The following SPATS2L variants were observed in gnomAD, a reference collection of about 807,000 sequenced individuals.
SPATS2L encodes SPATS2-like protein.
In SPATS2L, 30 loss-of-function variants were observed where a neutral mutation model predicts 59.6. The observed-to-expected ratio is 0.50, with a 90% CI of 0.38 to 0.68. The LOEUF (loss-of-function observed/expected upper bound fraction) is 0.68. Among genes scored for constraint, SPATS2L ranks in the 30% least tolerant of loss-of-function variants. SPATS2L has a pLI of 0.00. For synonymous variants in SPATS2L, 252 were observed against 263.5 expected (o/e 0.96, Z 0.42); for missense variants, 615 against 700.0 (o/e 0.88, Z 1.37).
At chr2:200,440,146 C>T (rs565410293) in intron 7 of SPATS2L, among the ~76,000 whole-genome samples, 59 of 152,346 alleles carry the variant, frequency 3.9e-4, no homozygotes, top group African/African-American at 1.4e-3. Flanking sequence ...GCTTTCAATG[C>T]TGCTGCTCTA....
intron 1 of SPATS2L, among the ~76,000 whole-genome samples, chr2:200,326,021 A>G (rs770262359): frequency 2.0e-4 from 30 of 152,296 alleles, no homozygotes; most frequent in Non-Finnish European, 4.3e-4. Flanking sequence ...TATTGTTTAT[A>G]TTTTCCAGAT....
chr2:200,385,893 C>T (rs1430046891), intron 2 of SPATS2L, among the ~76,000 whole-genome samples: 1 of 152,144 alleles, frequency 6.6e-6, no homozygotes, highest in African/African-American at 2.4e-5. Flanking sequence ...CAGGGTTTCA[C>T]TGTGTTAGCC....
At chr2:200,306,556 G>T, upstream of SPATS2L, 1 of 1,002,268 alleles carries the variant, frequency 1.0e-6, no homozygotes, top group Non-Finnish European at 1.2e-6. Context: ...GCAGCGCTGT[G>T]TTTGCGAGCG....
intron 2 of SPATS2L, among the ~76,000 whole-genome samples, chr2:200,384,519 A>C (rs770387911): frequency 5.9e-5 from 9 of 152,110 alleles, no homozygotes; most frequent in Non-Finnish European, 1.2e-4. Flanking sequence ...ATGCCGGCTA[A>C]TTTTCTGTAT....
At chr2:200,377,616 G>A (rs1317640637) in intron 2 of SPATS2L, among the ~76,000 whole-genome samples, 2 of 152,130 alleles carry the variant, frequency 1.3e-5, no homozygotes, top group African/African-American at 4.8e-5. Context: ...TCTCCACTCT[G>A]CCCCAAATGT....
chr2:200,306,317 A>G, upstream of SPATS2L: 2 of 1,002,322 alleles, frequency 2.0e-6, no homozygotes, highest in Middle Eastern at 2.8e-4. Context: ...TTCTCTTGCA[A>G]CACGTGCGGA....
chr2:200,387,165 C>T (rs776151728), intron 2 of SPATS2L, among the ~76,000 whole-genome samples: 5 of 152,152 alleles, frequency 3.3e-5, no homozygotes, highest in African/African-American at 7.2e-5. Flanking sequence ...AAATAAAATT[C>T]GAGTGTTATT....
intron 2 of SPATS2L, among the ~76,000 whole-genome samples, chr2:200,335,938 CAG>C (rs1315180015): frequency 6.6e-6 from 1 of 152,196 alleles, no homozygotes; most frequent in African/African-American, 2.4e-5. Context: ...GTGCCCAGCT[CAG>C]GGGCTTCCTA....
chr2:200,398,100 C>T (rs1187868103), intron 3 of SPATS2L, among the ~76,000 whole-genome samples: 1 of 152,114 alleles, frequency 6.6e-6, no homozygotes, highest in Non-Finnish European at 1.5e-5. Context: ...GGGGAATGTT[C>T]AGAAATGAGC....
At chr2:200,417,384 G>A (rs1038538253) in intron 5 of SPATS2L, among the ~76,000 whole-genome samples, 1 of 151,756 alleles carries the variant, frequency 6.6e-6, no homozygotes, top group African/African-American at 2.4e-5. Context: ...CACCATCTTT[G>A]ACAATCTCTG....
intron 2 of SPATS2L, among the ~76,000 whole-genome samples, chr2:200,359,658 G>A (rs1029063647): frequency 2.6e-5 from 4 of 152,208 alleles, no homozygotes; most frequent in African/African-American, 9.6e-5. Context: ...TCCCAGAGAA[G>A]TCTTATTTGG....
intron 2 of SPATS2L, among the ~76,000 whole-genome samples, chr2:200,372,882 G>C (rs1025493854): frequency 3.3e-5 from 5 of 151,902 alleles, no homozygotes; most frequent in Admixed American, 1.3e-4. Context: ...CCAGTGTGGT[G>C]CCTAAAGAGG....
intron 2 of SPATS2L, among the ~76,000 whole-genome samples, chr2:200,353,440 C>G (rs1197193873): frequency 6.6e-6 from 1 of 152,110 alleles, no homozygotes; most frequent in Non-Finnish European, 1.5e-5. Context: ...TTCCTCACTG[C>G]CTGTTATGAA....
intron 12 of SPATS2L, 68 bp downstream of exon 12, chr2:200,473,120 C>A: frequency 1.4e-6 from 2 of 1,428,646 alleles, no homozygotes; most frequent in Non-Finnish European, 1.9e-6. Flanking sequence ...AGGAAGAAAA[C>A]AGCAACTACT....
chr2:200,332,254 T>G (rs2079969732), intron 2 of SPATS2L, among the ~76,000 whole-genome samples: 1 of 152,014 alleles, frequency 6.6e-6, no homozygotes. Flanking sequence ...CAAGCTTTTT[T>G]TTTTTAGAGA....
intron 2 of SPATS2L, among the ~76,000 whole-genome samples, chr2:200,365,393 A>G (rs1559070853): frequency 2.0e-5 from 3 of 152,166 alleles, no homozygotes; most frequent in Admixed American, 1.3e-4. Context: ...TGGGACAGCA[A>G]TATGACCACT....
chr2:200,440,523 T>G, intron 7 of SPATS2L, 126 bp from the exon 8 acceptor site: 1 of 909,126 alleles, frequency 1.1e-6, no homozygotes, highest in Non-Finnish European at 1.6e-6. Flanking sequence ...ATTCTCCTGA[T>G]GGAACTTTTA....
Position 200,472,994 on chromosome 2 carries a change from T to G in SPATS2L, c.1223T>G (p.Val408Gly). The change falls in exon 12 of 13, where the codon GTG becomes GGG. Residue 408 changes from valine to glycine, a missense_variant. Val to Gly is a moderately radical substitution (Grantham distance 109). This residue lies in a region of SPATS2L where 284 missense variants were observed against 280.1 expected (regional missense o/e 1.01). Transcript: ENST00000409140. ...SEGKAANPKM[V>G]SSLPSTADPS... ...GGCAAAGCGGCAAACCCCAAAATGG[T>G]GAGCAGTCTCCCCAGCACCGCCGAC... 1 of 1,612,346 alleles carries G rather than the reference T, an allele frequency of 6.2e-7. No individual in the cohort carries two copies. Among genetic ancestry groups the G allele is most frequent in the Non-Finnish European group, 8.5e-7 (1 of 1,179,636 alleles).
In SPATS2L at chr2:200,454,751, G is replaced by A. The variant is rs114101083; in HGVS notation, c.789-5018G>A. 3.1e-3 allele frequency among the ~76,000 whole-genome samples: 473 copies of A among 152,286 alleles called. 1 individual carries two copies. Among genetic ancestry groups the A allele is most frequent in the African/African-American group, 0.011 (449 of 41,556 alleles). ...GGCACATCTGAAACATGTGAGGTCC[G>A]CGTGGATTTTACGGGAACTCTGTTT... On this transcript the variant is annotated intron_variant, in intron 8 of 12. Transcript: ENST00000409140.
Sources: allele counts gnomAD v4.1 joint callset (sites outside exome capture counted in the v4.1 genomes callset), GRCh38; gene constraint gnomAD v4.1.1; regional missense constraint gnomAD v4.1.1; transcripts MANE v1.5; gene names NCBI Gene and HGNC (gene_info 2026-07-23, HGNC 2026-07-21).